The following FMN1 variants were observed in gnomAD, a reference collection of about 807,000 sequenced individuals.
FMN1 encodes formin-1.
Under a neutral mutation model 132.4 loss-of-function variants are expected in FMN1, and 110 were observed. The observed-to-expected ratio is 0.83, with a 90% confidence interval of 0.71 to 0.97. FMN1 has a LOEUF of 0.97. Ranked by LOEUF, FMN1 falls within the 50% of genes least tolerant of loss-of-function variation. The probability of loss-of-function intolerance (pLI) is 0.00; values close to 1 mark genes in which losing one functional copy is unlikely to be tolerated. For synonymous variants in FMN1, 722 were observed against 651.7 expected, an observed-to-expected ratio of 1.11 and a Z score of -1.64; for missense variants, 1,792 against 1,705.3, an observed-to-expected ratio of 1.05 and a Z score of -0.90.
intron 4 of FMN1, among the ~76,000 whole-genome samples, chr15:33,090,097 C>T (rs2038851660): frequency 6.6e-6 from 1 of 152,186 alleles, no homozygotes; most frequent in Non-Finnish European, 1.5e-5. Context: ...AGTTCCTAGT[C>T]CTCTTTTAAT....
At chr15:33,076,448 C>T (rs569333455) in intron 5 of FMN1, among the ~76,000 whole-genome samples, 38 of 152,130 alleles carry the variant, frequency 2.5e-4, no homozygotes, top group African/African-American at 8.4e-4. Flanking sequence ...AATATTAGTT[C>T]GAACTCCAAA....
intron 4 of FMN1, among the ~76,000 whole-genome samples, chr15:33,124,439 C>T (rs1962858598): frequency 6.6e-6 from 1 of 152,098 alleles, no homozygotes; most frequent in African/African-American, 2.4e-5. Flanking sequence ...TTCCCATGGC[C>T]CTGCCATTCA....
At chr15:33,048,159 G>A (rs2036778376) in intron 6 of FMN1, among the ~76,000 whole-genome samples, 1 of 152,068 alleles carries the variant, frequency 6.6e-6, no homozygotes, top group Admixed American at 6.6e-5. Flanking sequence ...AAATTATGCA[G>A]GTCAGATATT....
At chr15:32,944,270 CTCTGCCAT>C (rs1213263780) in intron 9 of FMN1, among the ~76,000 whole-genome samples, 3 of 152,212 alleles carry the variant, frequency 2.0e-5, no homozygotes. Context: ...TCCCCTGCCA[CTCTGCCAT>C]CACACCCAGA....
At chr15:33,127,477 G>A (rs756697324) in intron 4 of FMN1, among the ~76,000 whole-genome samples, 8 of 152,118 alleles carry the variant, frequency 5.3e-5, no homozygotes, top group Non-Finnish European at 7.4e-5. Context: ...CTAAAAATAG[G>A]TAACTATTAC....
intron 3 of FMN1, among the ~76,000 whole-genome samples, chr15:33,165,642 C>T (rs530561868): frequency 1.3e-5 from 2 of 152,300 alleles, no homozygotes; most frequent in African/African-American, 2.4e-5. Context: ...CCGCCTGCCT[C>T]GGCCTCCCAA....
rs1964538136 is a variant in FMN1, at chr15:33,153,551, C to T, written c.1364G>A (p.Arg455Lys). The T allele has an allele frequency of 1.3e-6, 2 of 1,536,268 alleles. No individual in the cohort carries two copies. Among genetic ancestry groups the T allele is most frequent in the East Asian group, 2.4e-5 (1 of 40,898 alleles). The change falls in exon 4 of 21, where the codon AGA (arginine) becomes AAA (lysine). Residue 455 changes from arginine to lysine, a missense_variant. Physicochemically the swap from Arg to Lys is conservative, Grantham distance 26 (BLOSUM62 2). Around this residue, in one of 3 missense-constraint regions of FMN1, gnomAD observed 638 missense variants for 645.2 expected, o/e 0.99. Transcript: ENST00000616417. ...TSVPHTRPET[R>K]NKRRAGLPLG... ...GGGCAACCCGGCTCTCCTCTTGTTT[C>T]TCGTTTCTGGGCGAGTGTGAGGGAC...
chr15:33,177,586 T>C (rs765190313), intron 3 of FMN1, among the ~76,000 whole-genome samples: 9 of 152,330 alleles, frequency 5.9e-5, no homozygotes, highest in Non-Finnish European at 1.2e-4. Flanking sequence ...CTCACCAAAT[T>C]ACTTTTCTAG....
At chr15:33,120,171 G>T (rs1183076262) in intron 4 of FMN1, among the ~76,000 whole-genome samples, 1 of 152,180 alleles carries the variant, frequency 6.6e-6, no homozygotes, top group Non-Finnish European at 1.5e-5. Flanking sequence ...ATAGTGAAAT[G>T]AAAATTGTTT....
At chr15:32,903,625 C>A (rs943815643) in intron 12 of FMN1, among the ~76,000 whole-genome samples, 3 of 152,174 alleles carry the variant, frequency 2.0e-5, no homozygotes, top group East Asian at 1.9e-4. Flanking sequence ...GTTACAGACA[C>A]CACCTGGGAA....
At chr15:33,177,834 G>C (rs968497161) in intron 3 of FMN1, among the ~76,000 whole-genome samples, 15 of 151,634 alleles carry the variant, frequency 9.9e-5, no homozygotes, top group African/African-American at 3.4e-4. Context: ...GTGAAACCCT[G>C]TCTCTATTAA....
At chr15:33,017,795 T>C (rs1027306223) in intron 6 of FMN1, among the ~76,000 whole-genome samples, 2 of 152,232 alleles carry the variant, frequency 1.3e-5, no homozygotes, top group Non-Finnish European at 2.9e-5. Context: ...CTGGGTGCAG[T>C]GGCTCACGCC....
chr15:33,063,209 G>C (rs1200177927), intron 6 of FMN1: 3 of 152,476 alleles, frequency 2.0e-5, no homozygotes, highest in Admixed American at 6.5e-5. Flanking sequence ...GTGGCTCCCA[G>C]TCTGCTGACT....
At position 32,833,034 on chromosome 15, in the gene FMN1, A is replaced by G. The variant is rs12593901; in HGVS notation, c.3928+23981T>C. Among the ~76,000 whole-genome samples the G allele has an allele frequency of 1.8e-3, 275 of 152,156 alleles. 3 individuals carry two copies. The East Asian group carries it at 0.034, about 19-fold the overall frequency. ...AGTGTTAGCTCCTTTTTCCCACTTT[A>G]CAACTCCTCCTTTCTCCCCTCCTCC... On this transcript the variant is annotated intron_variant, in intron 17 of 20. Coordinates refer to ENST00000616417, the MANE Select transcript of FMN1 (RefSeq NM_001277313.2).
chr15:32,852,948 C>T (rs972313581), intron 17 of FMN1, among the ~76,000 whole-genome samples: 1 of 152,146 alleles, frequency 6.6e-6, no homozygotes, highest in African/African-American at 2.4e-5. Context: ...AGTTGCTTGC[C>T]ATTTCCCAAA....
At chr15:33,104,651 A>C (rs2039416196) in intron 4 of FMN1, among the ~76,000 whole-genome samples, 1 of 152,136 alleles carries the variant, frequency 6.6e-6, no homozygotes. Context: ...ATACGTATGT[A>C]TTCCTGAAGC....
intron 5 of FMN1, among the ~76,000 whole-genome samples, chr15:33,083,357 C>A (rs1422516537): frequency 6.6e-6 from 1 of 152,126 alleles, no homozygotes; most frequent in Non-Finnish European, 1.5e-5. Flanking sequence ...AAGCCCCTTT[C>A]AACTACACTT....
At chr15:32,934,870 G>A (rs2061221854) in intron 9 of FMN1, among the ~76,000 whole-genome samples, 1 of 151,414 alleles carries the variant, frequency 6.6e-6, no homozygotes, top group African/African-American at 2.4e-5. Flanking sequence ...GCCTCTCAAA[G>A]GGCTAGAATT....
In FMN1 at chr15:32,798,863, C is replaced by T. The variant is rs1034805756; in HGVS notation, c.4071G>A (p.Glu1357=). 1 of 1,613,774 alleles carries T rather than the reference C, an allele frequency of 6.2e-7. No individual in the cohort carries two copies. The highest frequency in any genetic ancestry group is 8.5e-7 in the Non-Finnish European group (1 of 1,179,776). ...AAATTGTCTTGAAGTCACTGCAGAA[C>T]TCATACCACACCATAAACACGTAGC... is the stretch of plus-strand genomic sequence containing the variant. ...TPSYVFMVWY[E]FCSDFKTIWK... Residue 1357 remains glutamate, a synonymous_variant, in exon 19 of 21, where the codon GAG becomes GAA. Transcript: ENST00000616417.
Sources: allele counts gnomAD v4.1 joint callset (sites outside exome capture counted in the v4.1 genomes callset), GRCh38; gene constraint gnomAD v4.1.1; regional missense constraint gnomAD v4.1.1; transcripts MANE v1.5; gene names NCBI Gene and HGNC (gene_info 2026-07-23, HGNC 2026-07-21).